Variants in PHLPP1 observed in about 807,000 individuals in gnomAD.
PHLPP1 encodes the protein PH domain leucine-rich repeat-containing protein phosphatase 1.
A neutral mutation model predicts 117.2 loss-of-function variants in PHLPP1; 42 were observed. The ratio of observed to expected loss-of-function variants is 0.36; its 90% CI spans 0.28 to 0.46. PHLPP1 has a LOEUF of 0.46. PHLPP1 is among the 20% of genes least tolerant of loss of function. The pLI, the probability that PHLPP1 is intolerant of heterozygous loss-of-function variation, is 1.00. For missense variants in PHLPP1, 2,084 were observed against 2,241.9 expected, an observed-to-expected ratio of 0.93 and a Z score of 1.42; for synonymous variants, 1,042 against 970.7, an observed-to-expected ratio of 1.07 and a Z score of -1.37.
intron 1 of PHLPP1, among the ~76,000 whole-genome samples, chr18:62,803,211 T>G (rs1913837197): frequency 6.6e-6 from 1 of 152,184 alleles, no homozygotes; most frequent in Non-Finnish European, 1.5e-5. Flanking sequence ...TTTGTCTGTT[T>G]ATCATTAGTT....
At chr18:62,934,491 A>G (rs1159214316) in intron 10 of PHLPP1, among the ~76,000 whole-genome samples, 1 of 152,138 alleles carries the variant, frequency 6.6e-6, no homozygotes, top group Non-Finnish European at 1.5e-5. Flanking sequence ...ACTGCACATT[A>G]TTTCTTAATA....
At chr18:62,951,216 C>T (rs190121381) in intron 12 of PHLPP1, among the ~76,000 whole-genome samples, 975 of 152,148 alleles carry the variant, frequency 6.4e-3, no homozygotes, top group Non-Finnish European at 0.011. Flanking sequence ...CTCCTGACCT[C>T]GTGATCCGCC....
chr18:62,828,690 G>T (rs1447202016), intron 1 of PHLPP1, among the ~76,000 whole-genome samples: 2 of 152,080 alleles, frequency 1.3e-5, no homozygotes, highest in Non-Finnish European at 2.9e-5. Context: ...TGTTCTTCCT[G>T]TTCCCTAATA....
intron 1 of PHLPP1, among the ~76,000 whole-genome samples, chr18:62,768,147 A>T (rs567765107): frequency 8.5e-5 from 13 of 152,368 alleles, no homozygotes; most frequent in African/African-American, 3.1e-4. Context: ...TATCCAGAGA[A>T]GTCTAAAGTT....
chr18:62,954,704 G>A (rs1910562820), intron 12 of PHLPP1, among the ~76,000 whole-genome samples: 1 of 152,114 alleles, frequency 6.6e-6, no homozygotes, highest in Non-Finnish European at 1.5e-5. Context: ...GAAAATGGTT[G>A]CATTCTTATG....
At chr18:62,719,123 A>G (rs906970373) in intron 1 of PHLPP1, among the ~76,000 whole-genome samples, 1 of 152,136 alleles carries the variant, frequency 6.6e-6, no homozygotes, top group Non-Finnish European at 1.5e-5. Context: ...CCTTGTTTCT[A>G]TATGTACAGC....
intron 4 of PHLPP1, among the ~76,000 whole-genome samples, chr18:62,876,795 G>A (rs1440696531): frequency 6.6e-6 from 1 of 152,192 alleles, no homozygotes; most frequent in Non-Finnish European, 1.5e-5. Context: ...TGTCTTAGAG[G>A]CTGTGGTATA....
chr18:62,754,962 G>GA (rs1038875686), intron 1 of PHLPP1, among the ~76,000 whole-genome samples: 26 of 151,720 alleles, frequency 1.7e-4, no homozygotes, highest in Non-Finnish European at 2.9e-4. Context: ...CCCTGTCTCT[G>GA]AAAAAAAAGT....
rs1423281513 is a variant in PHLPP1 at position 62,716,487 on chromosome 18, C to T, written c.804C>T (p.Gly268=). The change falls in exon 1 of 17, where the codon GGC becomes GGT. Residue 268 remains glycine (G), a synonymous_variant. Transcript: ENST00000262719. This position sits in a 1 kb window ranked among gnomAD's most constrained non-coding sequence, Gnocchi z 5.7. ...REPAEPPPEA[G]PRLAPPEPRD... is the part of the protein sequence containing the mutation. Reference sequence around the variant, plus strand: ...CCGCTGAACCGCCCCCCGAGGCCGGCCCCCGGCTGGCGCCCCCGGAGCCGC... The same window carrying T: ...CCGCTGAACCGCCCCCCGAGGCCGGTCCCCGGCTGGCGCCCCCGGAGCCGC... The T allele has an allele frequency of 3.5e-5, 43 of 1,215,200 alleles. No homozygotes were observed. The highest frequency in any genetic ancestry group is 8.8e-5 in the Admixed American group (2 of 22,834). The allele number at this position is 1,215,200 out of a possible 1,614,324, so 75.3% of individuals were successfully genotyped here. A position where few individuals can be genotyped will look rare whatever the true frequency, so the allele number is the denominator to read the frequency against.
intron 1 of PHLPP1, among the ~76,000 whole-genome samples, chr18:62,722,240 A>G (rs1435503287): frequency 6.6e-6 from 1 of 152,208 alleles, no homozygotes; most frequent in Non-Finnish European, 1.5e-5. Flanking sequence ...TTTCAAAGGC[A>G]TCTCGTACTT....
intron 4 of PHLPP1, among the ~76,000 whole-genome samples, chr18:62,894,488 G>A (rs1383709729): frequency 1.3e-5 from 2 of 152,190 alleles, no homozygotes; most frequent in Non-Finnish European, 2.9e-5. Flanking sequence ...TGAGCCACCA[G>A]GCCCAGCTGA....
At position 62,979,283 on chromosome 18, in the gene PHLPP1, A is replaced by T. The variant is rs1245187542; in HGVS notation, c.5006A>T (p.Glu1669Val). The T allele has an allele frequency of 1.3e-6, 2 of 1,560,518 alleles. No individual in the cohort carries two copies. The highest frequency in any genetic ancestry group is 2.7e-5 in the African/African-American group (2 of 73,384). Residue 1669 changes from glutamate (E) to valine (V), a missense_variant, in exon 17 of 17, where the codon GAG (glutamate) becomes GTG (valine). Glu to Val is a moderately radical substitution (Grantham distance 121, BLOSUM62 -2). Around this residue, in one of 2 missense-constraint regions of PHLPP1, gnomAD observed 1,365 missense variants for 1,605.9 expected, o/e 0.85. Transcript: ENST00000262719. ...DPDDQFIIPP[E>V]LEEEVKEIMK... ...GATGATCAGTTTATCATACCCCCGG[A>T]GCTGGAAGAGGAGGTCAAAGAAATC...
chr18:62,818,997 A>C (rs1290322612), intron 1 of PHLPP1, among the ~76,000 whole-genome samples: 1 of 152,242 alleles, frequency 6.6e-6, no homozygotes, highest in Non-Finnish European at 1.5e-5. Context: ...ATTAATGTAC[A>C]ATAGATGTAT....
intron 1 of PHLPP1, among the ~76,000 whole-genome samples, chr18:62,718,728 T>A (rs1456125283): frequency 6.6e-6 from 1 of 152,226 alleles, no homozygotes; most frequent in Non-Finnish European, 1.5e-5. Flanking sequence ...AAAATATTGT[T>A]ATTTTACAAA....
intron 3 of PHLPP1, among the ~76,000 whole-genome samples, chr18:62,842,454 C>G (rs375965299): frequency 7.9e-5 from 12 of 152,078 alleles, no homozygotes; most frequent in East Asian, 5.8e-4. Flanking sequence ...ACCTCCATCT[C>G]CCGGGTTCAA....
chr18:62,738,441 A>C (rs1049878238), intron 1 of PHLPP1, among the ~76,000 whole-genome samples: 1 of 152,262 alleles, frequency 6.6e-6, no homozygotes, highest in African/African-American at 2.4e-5. Context: ...GGATATTTAC[A>C]TAGCGTTTAC....
At chr18:62,912,357 A>AT (rs34312332) in intron 8 of PHLPP1, among the ~76,000 whole-genome samples, 3 of 146,990 alleles carry the variant, frequency 2.0e-5, no homozygotes, top group South Asian at 2.1e-4. Context: ...CAAAAAAAAA[A>AT]TTTTTTTTTA....
intron 3 of PHLPP1, among the ~76,000 whole-genome samples, chr18:62,850,361 A>G (rs1381791490): frequency 1.8e-5 from 2 of 109,296 alleles, no homozygotes; most frequent in African/African-American, 3.6e-5. Flanking sequence ...GCAATCCCGG[A>G]TGGTGATGGA....
intron 1 of PHLPP1, among the ~76,000 whole-genome samples, chr18:62,825,827 T>A (rs1206921099): frequency 6.6e-6 from 1 of 152,074 alleles, no homozygotes; most frequent in Admixed American, 6.6e-5. Flanking sequence ...TTGGAAAAAA[T>A]GTCTATCAAG....
Sources: allele counts gnomAD v4.1 joint callset (sites outside exome capture counted in the v4.1 genomes callset), GRCh38; gene constraint gnomAD v4.1.1; regional missense constraint gnomAD v4.1.1; non-coding constraint Gnocchi (gnomAD v3.1); transcripts MANE v1.5; gene names NCBI Gene and HGNC (gene_info 2026-07-23, HGNC 2026-07-21).